The following NPFFR2 variants were observed in gnomAD, a reference collection of about 807,000 sequenced individuals.
The protein encoded by NPFFR2 is neuropeptide FF receptor 2, also known as G-protein coupled receptor 74.
In NPFFR2, 15 loss-of-function variants were observed where a neutral mutation model predicts 13.1. That is an observed-to-expected ratio of 1.15 (90% CI 0.77 to 1.76). NPFFR2 has a LOEUF of 1.76. Among genes scored for constraint, NPFFR2 ranks in the 40% most tolerant of loss-of-function variants. The pLI, the probability that NPFFR2 is intolerant of heterozygous loss-of-function variation, is 0.00. For missense variants in NPFFR2, 572 were observed against 503.5 expected (o/e 1.14, Z -1.30); for synonymous variants, 190 against 175.7 (o/e 1.08, Z -0.65).
intron 1 of NPFFR2, among the ~76,000 whole-genome samples, chr4:72,081,176 A>G (rs1484510366): frequency 6.6e-6 from 1 of 152,212 alleles, no homozygotes; most frequent in African/African-American, 2.4e-5. Flanking sequence ...CGGGCAAAGT[A>G]TCTACAGTCC....
Position 72,148,054 on chromosome 4 carries a change from G to T in NPFFR2, c.*242G>T. On this transcript the variant is annotated 3_prime_UTR_variant, in exon 4 of 4. Coordinates refer to ENST00000308744, the MANE Select transcript of NPFFR2 (RefSeq NM_004885.3). ...TTGCATGAATAAATATATTTCTAGA[G>T]AACAGTTTACAAAGCCTCATCTTTC... 2.6e-6 allele frequency: 1 copy of T among 387,446 alleles called. No homozygotes were observed. Among genetic ancestry groups the T allele is most frequent in the South Asian group, 5.4e-5 (1 of 18,582 alleles). The allele number at this position is 387,446 out of a possible 1,614,324, so 24.0% of individuals were successfully genotyped here.
chr4:72,048,196 C>T (rs1237508806), intron 1 of NPFFR2, among the ~76,000 whole-genome samples: 1 of 151,972 alleles, frequency 6.6e-6, no homozygotes, highest in Non-Finnish European at 1.5e-5. Flanking sequence ...TGGGGAGCAA[C>T]GAAAAGGCCA....
chr4:72,086,770 G>T (rs28640196), intron 1 of NPFFR2, among the ~76,000 whole-genome samples: 3,964 of 152,102 alleles, frequency 0.026, 142 homozygotes, highest in African/African-American at 0.079. Flanking sequence ...TGGAACAGTT[G>T]ATTGCTAATG....
intron 1 of NPFFR2, chr4:72,039,521 T>C (rs1028744822): frequency 5.3e-6 from 2 of 380,062 alleles, no homozygotes; most frequent in Admixed American, 6.4e-5. Flanking sequence ...TTAAAAAATA[T>C]ATGCATCTTG....
chr4:72,143,111 G>A lies in NPFFR2; in HGVS notation c.429-3867G>A, dbSNP rs1003322729. 1.3e-5 allele frequency among the ~76,000 whole-genome samples: 2 copies of A among 152,136 alleles called. 1 individual carries two copies. Among genetic ancestry groups the A allele is most frequent in the African/African-American group, 4.8e-5 (2 of 41,432 alleles). On this transcript the variant is annotated intron_variant, in intron 3 of 3. Transcript: ENST00000308744. ...GGGAAAAGGGCATCCCTTAAGACAA[G>A]TATATACTTATGGCATTGAAATAGG...
intron 1 of NPFFR2, among the ~76,000 whole-genome samples, chr4:72,057,873 G>C (rs1409245222): frequency 2.0e-5 from 3 of 151,940 alleles, no homozygotes; most frequent in Non-Finnish European, 2.9e-5. Flanking sequence ...ACTATGAAGA[G>C]TACCGTGTCA....
intron 1 of NPFFR2, among the ~76,000 whole-genome samples, chr4:72,097,789 C>T (rs1233506975): frequency 6.6e-6 from 1 of 152,128 alleles, no homozygotes; most frequent in Admixed American, 6.6e-5. Context: ...GCAGAATATA[C>T]AACCCCCAAA....
Position 72,147,208 on chromosome 4 carries a change from C to G in NPFFR2, c.659C>G (p.Thr220Ser). 1 of 1,614,116 alleles carries G rather than the reference C, an allele frequency of 6.2e-7. No individual in the cohort carries two copies. The highest frequency in any genetic ancestry group is 1.1e-5 in the South Asian group (1 of 91,080). Residue 220 changes from threonine to serine, a missense_variant, in exon 4 of 4, where the codon ACC (threonine) becomes AGC (serine). Coordinates refer to ENST00000308744, the MANE Select transcript of NPFFR2 (RefSeq NM_004885.3). ...AATCAGGAAATGAGGAAGATCTACA[C>G]CACTGTGCTGTTTGCCAACATCTAC... ...WPNQEMRKIY[T>S]TVLFANIYLA...
At chr4:72,039,704 G>T (rs1719153457) in intron 1 of NPFFR2, among the ~76,000 whole-genome samples, 1 of 151,890 alleles carries the variant, frequency 6.6e-6, no homozygotes, top group African/African-American at 2.4e-5. Flanking sequence ...TATCTTGTTG[G>T]GTTTTGTCAC....
intron 1 of NPFFR2, among the ~76,000 whole-genome samples, chr4:72,077,300 C>T (rs528488154): frequency 7.2e-5 from 11 of 152,204 alleles, no homozygotes; most frequent in Non-Finnish European, 1.6e-4. Context: ...TTTGTTTCTA[C>T]ATAATATTTT....
chr4:72,049,558 G>T (rs964839086), intron 1 of NPFFR2, among the ~76,000 whole-genome samples: 1 of 152,012 alleles, frequency 6.6e-6, no homozygotes, highest in African/African-American at 2.4e-5. Context: ...GAAAAAGTTT[G>T]GTAGGAGAAC....
rs73824721 is a variant in NPFFR2 at position 72,066,447 on chromosome 4, C to T, written c.-8+34247C>T. On this transcript the variant is annotated intron_variant, in intron 1 of 3. Coordinates refer to ENST00000308744, the MANE Select transcript of NPFFR2 (RefSeq NM_004885.3). ...ATTCCCATAGCCCCTAAAGTATTAACTATTTCTAGTATCAACTTAAAAGTC... is the reference window on the plus strand; with the variant it reads ...ATTCCCATAGCCCCTAAAGTATTAATTATTTCTAGTATCAACTTAAAAGTC... Among the ~76,000 whole-genome samples, 326 of 152,230 alleles carry T rather than the reference C, an allele frequency of 2.1e-3. 4 individuals carry two copies. Among genetic ancestry groups the T allele is most frequent in the African/African-American group, 7.2e-3 (300 of 41,540 alleles).
intron 2 of NPFFR2, among the ~76,000 whole-genome samples, chr4:72,137,625 T>G (rs975770481): frequency 2.3e-4 from 35 of 152,314 alleles, no homozygotes; most frequent in African/African-American, 8.2e-4. Flanking sequence ...CATTATTGCA[T>G]CAGAGTCAAT....
In NPFFR2 at chr4:72,040,927, A is replaced by AATAC. The variant is rs1553887464; in HGVS notation, c.-8+8730_-8+8731insCATA. 3.0e-3 allele frequency among the ~76,000 whole-genome samples: 445 copies of AATAC among 146,804 alleles called. 2 individuals carry two copies. The highest frequency in any genetic ancestry group is 0.011 in the African/African-American group (437 of 40,640). ...TGCTACATTTTAGTCACTGCTGTAA[A>AATAC]ATATATATATATATATTCATTTTAA... On this transcript the variant is annotated intron_variant, in intron 1 of 3. Transcript: ENST00000308744.
At chr4:72,079,815 C>A (rs576004870) in intron 1 of NPFFR2, among the ~76,000 whole-genome samples, 173 of 152,260 alleles carry the variant, frequency 1.1e-3, no homozygotes, top group Non-Finnish European at 1.8e-3. Context: ...CATATGTCCC[C>A]TGGGCCCTGC....
At chr4:72,064,600 G>A (rs1173615397) in intron 1 of NPFFR2, among the ~76,000 whole-genome samples, 1 of 152,116 alleles carries the variant, frequency 6.6e-6, no homozygotes, top group East Asian at 1.9e-4. Context: ...ATAAAGCAAG[G>A]ACATAGATAG....
At chr4:72,122,629 G>T (rs879780636) in intron 1 of NPFFR2, among the ~76,000 whole-genome samples, 1 of 152,244 alleles carries the variant, frequency 6.6e-6, no homozygotes, top group South Asian at 2.1e-4. Flanking sequence ...CATAGAAACC[G>T]AACATTCTGC....
At chr4:72,127,047 A>T (rs1228271970) in intron 1 of NPFFR2, among the ~76,000 whole-genome samples, 1 of 151,980 alleles carries the variant, frequency 6.6e-6, no homozygotes, top group African/African-American at 2.4e-5. Flanking sequence ...TCACGCCTGT[A>T]ATCCCAGCAC....
chr4:72,131,797 T>A (rs1031726695), intron 2 of NPFFR2, among the ~76,000 whole-genome samples: 1 of 152,162 alleles, frequency 6.6e-6, no homozygotes, highest in African/African-American at 2.4e-5. Flanking sequence ...TTAGATAAGA[T>A]AAAGCTGAAG....
Sources: gnomAD v4.1 joint callset for allele counts (sites outside exome capture counted in the v4.1 genomes callset) on GRCh38, gnomAD v4.1.1 for gene constraint, MANE v1.5 for transcripts, NCBI Gene and HGNC (gene_info 2026-07-23, HGNC 2026-07-21) for gene names.